The following HAUS1 variants were observed in gnomAD, a reference collection of about 807,000 sequenced individuals.
HAUS1 encodes the protein HAUS augmin-like complex subunit 1.
A neutral mutation model predicts 38.6 loss-of-function variants in HAUS1; 25 were observed. The observed-to-expected ratio is 0.65, with a 90% CI of 0.47 to 0.91. HAUS1 has a LOEUF of 0.91. Among genes scored for constraint, HAUS1 ranks in the 40% least tolerant of loss-of-function variants. HAUS1 has a pLI of 0.00. For missense variants in HAUS1, 325 were observed against 328.4 expected (o/e 0.99, Z 0.08); for synonymous variants, 109 against 112.9 (o/e 0.97, Z 0.22).
rs560390497 is a variant in HAUS1, at chr18:46,111,386, T to G, written c.205+6018T>G. On this transcript the variant is annotated intron_variant, in intron 2 of 8. Transcript: ENST00000282058. Reference sequence around the variant, plus strand: ...GTTGCCCAGGCTGGAGTACAGGAGCTTGATCTCGGCTCACTGCCACCTCTG... The same window carrying G: ...GTTGCCCAGGCTGGAGTACAGGAGCGTGATCTCGGCTCACTGCCACCTCTG... Among the ~76,000 whole-genome samples the G allele has an allele frequency of 9.2e-5, 14 of 152,046 alleles. No homozygotes were observed. In the East Asian group the frequency reaches 2.7e-3, roughly 30 times the overall value.
chr18:46,125,421 C>T (rs1471907182), intron 7 of HAUS1, among the ~76,000 whole-genome samples: 2 of 151,592 alleles, frequency 1.3e-5, no homozygotes, highest in African/African-American at 2.4e-5. Flanking sequence ...TGGTGGTGGG[C>T]GCTTATAATC....
chr18:46,110,839 TGTAAGTAA>T (rs1911610829), intron 2 of HAUS1, among the ~76,000 whole-genome samples: 1 of 147,850 alleles, frequency 6.8e-6, no homozygotes, highest in African/African-American at 2.6e-5. Flanking sequence ...GGGGTTTCTT[TGTAAGTAA>T]CAGGTAGTTT....
intron 2 of HAUS1, among the ~76,000 whole-genome samples, chr18:46,105,931 T>C (rs183867790): frequency 6.6e-6 from 1 of 152,300 alleles, no homozygotes; most frequent in East Asian, 1.9e-4. Context: ...ATCTTATTGG[T>C]ACTCTGATAG....
chr18:46,122,391 G>A (rs1230024800), intron 4 of HAUS1, 76 bp from the exon 5 acceptor site: 2 of 1,470,820 alleles, frequency 1.4e-6, no homozygotes, highest in East Asian at 2.3e-5. Context: ...GAATCCAAAA[G>A]TAGTAGAGTT....
chr18:46,115,458 CAA>C (rs35249053), intron 2 of HAUS1, among the ~76,000 whole-genome samples: 26,692 of 108,408 alleles, frequency 0.25, 3,428 homozygotes, highest in East Asian at 0.45. Flanking sequence ...GACTGCATCT[CAA>C]AAAAAAAAAA....
At chr18:46,116,216 A>G (rs1911792507) in intron 2 of HAUS1, among the ~76,000 whole-genome samples, 1 of 152,082 alleles carries the variant, frequency 6.6e-6, no homozygotes, top group African/African-American at 2.4e-5. Context: ...AAATATTTGT[A>G]AATATATCTG....
intron 2 of HAUS1, among the ~76,000 whole-genome samples, 174 bp from the exon 3 acceptor site, chr18:46,118,007 G>A (rs1024893869): frequency 2.6e-5 from 4 of 152,140 alleles, no homozygotes; most frequent in Admixed American, 6.6e-5. Context: ...TTTTTGGAGT[G>A]ATGAAAATGT....
intron 6 of HAUS1, 52 bp from the exon 7 acceptor site, chr18:46,124,770 G>A: frequency 1.1e-6 from 1 of 948,322 alleles, no homozygotes; most frequent in Middle Eastern, 2.1e-4. Context: ...GACAGTATTA[G>A]TTGCATTGTG....
intron 6 of HAUS1, among the ~76,000 whole-genome samples, chr18:46,123,675 C>T (rs1259334823): frequency 6.6e-6 from 1 of 152,146 alleles, no homozygotes; most frequent in African/African-American, 2.4e-5. Context: ...CCCCTTTCTT[C>T]TCTTTCAGTA....
In HAUS1 at chr18:46,122,399, G is replaced by A. The variant is rs978965459; in HGVS notation, c.477-68G>A. 5 of 1,517,422 alleles carry A rather than the reference G, an allele frequency of 3.3e-6. No individual in the cohort carries two copies. In the African/African-American group the frequency reaches 4.1e-5, roughly 13 times the overall value. 94.0% of individuals were successfully genotyped at this position (1,517,422 alleles called of 1,614,324 possible). The stretch of plus-strand genomic sequence containing the variant: ...CAGCATTGAATCCAAAAGTAGTAGA[G>A]TTTCTATTGTACAATACTTTTACTG... On this transcript the variant is annotated intron_variant, in intron 4 of 8. Coordinates refer to ENST00000282058, the MANE Select transcript of HAUS1 (RefSeq NM_138443.4).
At chr18:46,127,983 C>T (rs1912155800) in intron 8 of HAUS1, 92 bp from the exon 9 acceptor site, 2 of 683,410 alleles carry the variant, frequency 2.9e-6, no homozygotes, top group African/African-American at 3.7e-5. Context: ...TCTAATGTTT[C>T]CTTTTTTGCT....
chr18:46,119,101 C>A (rs753751367), intron 3 of HAUS1, among the ~76,000 whole-genome samples: 19 of 152,074 alleles, frequency 1.2e-4, no homozygotes, highest in Non-Finnish European at 2.4e-4. Flanking sequence ...AAACTCCTGA[C>A]CTTGTGATCT....
chr18:46,111,066 C>T (rs1405029718), intron 2 of HAUS1, among the ~76,000 whole-genome samples: 4 of 151,756 alleles, frequency 2.6e-5, no homozygotes, highest in Non-Finnish European at 4.4e-5. Context: ...TTAGTAGAAA[C>T]AGGGTTTCTC....
chr18:46,114,224 C>G (rs936200448), intron 2 of HAUS1, among the ~76,000 whole-genome samples: 4 of 152,164 alleles, frequency 2.6e-5, no homozygotes, highest in African/African-American at 9.7e-5. Context: ...TTTCTTTGAC[C>G]ACAACTTCTA....
intron 2 of HAUS1, among the ~76,000 whole-genome samples, chr18:46,109,489 T>A (rs922579553): frequency 1.3e-5 from 2 of 152,228 alleles, no homozygotes; most frequent in Non-Finnish European, 2.9e-5. Context: ...TACATTGCAT[T>A]ATTTTGATCC....
At chr18:46,105,596 A>G (rs1227623539) in intron 2 of HAUS1, among the ~76,000 whole-genome samples, 17 of 128,086 alleles carry the variant, frequency 1.3e-4, no homozygotes, top group Admixed American at 3.9e-4. Flanking sequence ...GTGTGTGTAT[A>G]TATTTTAGAC....
intron 2 of HAUS1, among the ~76,000 whole-genome samples, chr18:46,110,703 A>C (rs1300687505): frequency 6.6e-6 from 1 of 151,758 alleles, no homozygotes; most frequent in Non-Finnish European, 1.5e-5. Context: ...TTCATTTTTT[A>C]AAGGTAGTTT....
intron 8 of HAUS1, chr18:46,126,751 A>G (rs1359642785): frequency 6.6e-6 from 1 of 151,788 alleles, no homozygotes; most frequent in Non-Finnish European, 1.5e-5. Flanking sequence ...CAGCCTCCTG[A>G]GCAGCTGGGA....
At chr18:46,109,070 C>CA (rs58584750) in intron 2 of HAUS1, among the ~76,000 whole-genome samples, 2,499 of 82,848 alleles carry the variant, frequency 0.03, 36 homozygotes, top group South Asian at 0.049. Flanking sequence ...GACTCCGTCT[C>CA]AAAAAAAAAA....
Sources: gnomAD v4.1 joint callset for allele counts (sites outside exome capture counted in the v4.1 genomes callset) on GRCh38, gnomAD v4.1.1 for gene constraint, MANE v1.5 for transcripts, NCBI Gene and HGNC (gene_info 2026-07-23, HGNC 2026-07-21) for gene names.